Variants in ARID1B observed in about 807,000 individuals in gnomAD.
ARID1B encodes the protein AT-rich interactive domain-containing protein 1B.
ARID1B carries 30 observed loss-of-function variants against 212.3 expected under a neutral mutation model. The observed-to-expected ratio is 0.14, with a 90% CI of 0.11 to 0.19. The LOEUF (loss-of-function observed/expected upper bound fraction) is 0.19. Ranked by LOEUF, ARID1B falls within the 10% of genes least tolerant of loss-of-function variation. ARID1B has a pLI of 1.00. For synonymous variants in ARID1B, 1,402 were observed against 1,301.7 expected (o/e 1.08, Z -1.66); for missense variants, 2,891 against 3,204.0 (o/e 0.90, Z 2.36).
At chr6:156,983,986 T>C (rs1197812990) in intron 4 of ARID1B, among the ~76,000 whole-genome samples, 1 of 152,210 alleles carries the variant, frequency 6.6e-6, no homozygotes, top group African/African-American at 2.4e-5. Flanking sequence ...CACTATTGTT[T>C]CCGTTTACAA....
At chr6:157,001,733 A>G (rs1450332262) in intron 4 of ARID1B, among the ~76,000 whole-genome samples, 1 of 152,214 alleles carries the variant, frequency 6.6e-6, no homozygotes, top group Non-Finnish European at 1.5e-5. Flanking sequence ...TTTAAGATGC[A>G]GTTGTCCCCC....
chr6:157,058,184 T>C (rs62424288), intron 4 of ARID1B, among the ~76,000 whole-genome samples: 42,270 of 152,044 alleles, frequency 0.28, 6,191 homozygotes, highest in Non-Finnish European at 0.32. Flanking sequence ...AGTTCAGATA[T>C]GCCCAGATGA....
chr6:157,069,113 A>AT (rs201943299), intron 4 of ARID1B, among the ~76,000 whole-genome samples: 2,254 of 151,270 alleles, frequency 0.015, 56 homozygotes, highest in African/African-American at 0.052. Context: ...TACTGTGGTT[A>AT]TTTTTTTTTC....
At chr6:156,880,361 G>T (rs540923441) in intron 2 of ARID1B, among the ~76,000 whole-genome samples, 1 of 152,200 alleles carries the variant, frequency 6.6e-6, no homozygotes, top group Non-Finnish European at 1.5e-5. Flanking sequence ...ATAAGATGAT[G>T]TAGTGTTTAA....
intron 5 of ARID1B, among the ~76,000 whole-genome samples, chr6:157,096,122 C>A (rs982817164): frequency 9.9e-5 from 15 of 152,096 alleles, no homozygotes; most frequent in Admixed American, 9.8e-4. Context: ...CCTTCAAGAC[C>A]CCGCTAAAGG....
chr6:156,788,238 T>G (rs561374160), intron 1 of ARID1B, among the ~76,000 whole-genome samples: 2 of 152,288 alleles, frequency 1.3e-5, no homozygotes, highest in African/African-American at 4.8e-5. Flanking sequence ...CCCAGACATA[T>G]TCTGTGAATA....
chr6:156,835,295 C>T (rs990584075), intron 2 of ARID1B, among the ~76,000 whole-genome samples: 1 of 149,324 alleles, frequency 6.7e-6, no homozygotes, highest in African/African-American at 2.5e-5. Context: ...TCCTATAATA[C>T]CTAACTGGTT....
At chr6:156,821,081 T>A (rs1782320106) in intron 1 of ARID1B, among the ~76,000 whole-genome samples, 1 of 152,338 alleles carries the variant, frequency 6.6e-6, no homozygotes, top group South Asian at 2.1e-4. Flanking sequence ...AAAATGCAGT[T>A]ACTGTAATAT....
intron 4 of ARID1B, among the ~76,000 whole-genome samples, chr6:157,043,534 C>A (rs1334785185): frequency 6.6e-6 from 1 of 152,124 alleles, no homozygotes; most frequent in East Asian, 1.9e-4. Flanking sequence ...TTAGAGAATC[C>A]ATTTTTTTCA....
intron 1 of ARID1B, among the ~76,000 whole-genome samples, chr6:156,795,770 A>G (rs989025906): frequency 1.3e-5 from 2 of 151,844 alleles, no homozygotes; most frequent in Non-Finnish European, 2.9e-5. Flanking sequence ...TCTCTTCCTT[A>G]TTATTACTGT....
chr6:157,026,099 A>G (rs1231425377), intron 4 of ARID1B, among the ~76,000 whole-genome samples: 1 of 152,062 alleles, frequency 6.6e-6, no homozygotes, highest in Admixed American at 6.5e-5. Flanking sequence ...TAATTTTTGT[A>G]TTTGTAGTAG....
chr6:156,961,702 C>T (rs1402100674), intron 4 of ARID1B, among the ~76,000 whole-genome samples: 1 of 152,162 alleles, frequency 6.6e-6, no homozygotes, highest in Admixed American at 6.5e-5. Context: ...GAAATTGATA[C>T]AGAGGTGGGA....
chr6:156,779,284 A>G lies in ARID1B; in HGVS notation c.1604A>G (p.Gln535Arg). The change falls in exon 1 of 20, where the codon CAG becomes CGG. Residue 535 changes from glutamine to arginine, a missense_variant. By Grantham distance (43) the Gln-to-Arg change is conservative. This residue lies in a region of ARID1B where 1,643 missense variants were observed against 1,544.0 expected (regional missense o/e 1.06). Transcript: ENST00000636930. The stretch of plus-strand genomic sequence containing the variant: ...AGCGCGCCGCCGCCGCCGCCGTCGC[A>G]GCCCCAGTCCCAGGCGGCGGCGGCG... ...SPSAPPPPPS[Q>R]PQSQAAAAGA... The G allele has an allele frequency of 8.9e-7, 1 of 1,126,552 alleles. No individual in the cohort carries two copies. The highest frequency in any genetic ancestry group is 4.2e-5 in the East Asian group (1 of 23,696). 69.8% of individuals were successfully genotyped at this position (1,126,552 alleles called of 1,614,324 possible). A position where few individuals can be genotyped will look rare whatever the true frequency, so the allele number is the denominator to read the frequency against.
intron 4 of ARID1B, among the ~76,000 whole-genome samples, chr6:157,069,601 G>T (rs912120941): frequency 3.9e-5 from 6 of 152,114 alleles, no homozygotes; most frequent in Non-Finnish European, 7.4e-5. Context: ...CTTTGCTTCA[G>T]CATTTATTCA....
chr6:157,097,922 C>T (rs77193613), intron 5 of ARID1B, among the ~76,000 whole-genome samples: 3,630 of 152,238 alleles, frequency 0.024, 73 homozygotes, highest in Non-Finnish European at 0.04. Context: ...GTGGGGGAAA[C>T]GACTATACAA....
intron 2 of ARID1B, among the ~76,000 whole-genome samples, chr6:156,869,834 G>A (rs1785981909): frequency 6.6e-6 from 1 of 152,198 alleles, no homozygotes; most frequent in Non-Finnish European, 1.5e-5. Flanking sequence ...AGAGCAAGTA[G>A]TAAAATCACA....
intron 2 of ARID1B, among the ~76,000 whole-genome samples, chr6:156,887,591 T>C (rs1787611869): frequency 6.6e-6 from 1 of 152,208 alleles, no homozygotes; most frequent in Non-Finnish European, 1.5e-5. Flanking sequence ...TGGCATTTTC[T>C]TCTGTTTTCA....
chr6:157,136,766 G>T (rs1213202244), intron 7 of ARID1B, among the ~76,000 whole-genome samples: 2 of 152,010 alleles, frequency 1.3e-5, no homozygotes, highest in African/African-American at 4.8e-5. Context: ...GGAGGCTGAG[G>T]CACAAGAATC....
chr6:157,002,123 T>TC (rs1778948050), intron 4 of ARID1B, among the ~76,000 whole-genome samples: 1 of 152,220 alleles, frequency 6.6e-6, no homozygotes, highest in Admixed American at 6.5e-5. Context: ...TAACTAGAAC[T>TC]TAGAAAAGTT....
Sources: gnomAD v4.1 joint callset for allele counts (sites outside exome capture counted in the v4.1 genomes callset) on GRCh38, gnomAD v4.1.1 for gene constraint, gnomAD v4.1.1 regional missense constraint, MANE v1.5 for transcripts, NCBI Gene and HGNC (gene_info 2026-07-23, HGNC 2026-07-21) for gene names.